Variants in RGS6 observed in about 807,000 individuals in gnomAD.
The protein encoded by RGS6 is regulator of G protein signaling 6.
A neutral mutation model predicts 78.5 loss-of-function variants in RGS6; 30 were observed. The ratio of observed to expected loss-of-function variants is 0.38; its 90% CI spans 0.29 to 0.52. RGS6 has a LOEUF of 0.52. RGS6 is among the 20% of genes least tolerant of loss of function. The probability of loss-of-function intolerance (pLI) is 0.85; values close to 1 mark genes in which losing one functional copy is unlikely to be tolerated. For missense variants in RGS6, 495 were observed against 609.7 expected (o/e 0.81, Z 1.98); for synonymous variants, 206 against 206.0 (o/e 1.00, Z 0.00).
chr14:71,909,586 G>T, the RGS6 span, among the ~76,000 whole-genome samples: 1 of 139,070 alleles, frequency 7.2e-6, no homozygotes, highest in African/African-American at 2.7e-5. Flanking sequence ...TAGAGAGAGG[G>T]AAAGAGAGAG....
intron 2 of RGS6, among the ~76,000 whole-genome samples, chr14:72,285,092 C>A (rs1310302415): frequency 6.6e-6 from 1 of 152,174 alleles, no homozygotes; most frequent in Non-Finnish European, 1.5e-5. Flanking sequence ...GGCTCATAGG[C>A]AGAAGGGACT....
intron 2 of RGS6, among the ~76,000 whole-genome samples, chr14:72,099,449 G>A (rs1278144651): frequency 6.6e-6 from 1 of 152,128 alleles, no homozygotes; most frequent in Non-Finnish European, 1.5e-5. Flanking sequence ...ATGAGCCACC[G>A]CACCCTGCCT....
Position 72,507,949 on chromosome 14 carries a change from G to A in RGS6, c.966-2205G>A, listed in dbSNP as rs530771619. On this transcript the variant is annotated intron_variant, in intron 13 of 17. Coordinates refer to ENST00000553525, the MANE Select transcript of RGS6 (RefSeq NM_001204424.2). ...TTTACTGCCAGCCTCAACCCCAGGG[G>A]AATTCTTCCACAAACAGTATTTTTG... is the stretch of plus-strand genomic sequence containing the variant. Among the ~76,000 whole-genome samples, 6 of 152,292 alleles carry A rather than the reference G, an allele frequency of 3.9e-5. No individual in the cohort carries two copies. In the South Asian group the frequency reaches 1.2e-3, roughly 32 times the overall value.
At chr14:72,084,047 T>C (rs2094928662) in intron 2 of RGS6, among the ~76,000 whole-genome samples, 1 of 152,250 alleles carries the variant, frequency 6.6e-6, no homozygotes. Flanking sequence ...CACAGTGGTT[T>C]TGGAAATAAT....
intron 2 of RGS6, among the ~76,000 whole-genome samples, chr14:72,102,415 A>G (rs1327895995): frequency 6.6e-6 from 1 of 152,272 alleles, no homozygotes; most frequent in Non-Finnish European, 1.5e-5. Context: ...ATTGGAAAAG[A>G]ATTCTAAAAT....
At chr14:72,432,847 G>A (rs1212785166) in intron 3 of RGS6, among the ~76,000 whole-genome samples, 1 of 152,160 alleles carries the variant, frequency 6.6e-6, no homozygotes, top group Non-Finnish European at 1.5e-5. Flanking sequence ...TGAAGCAGAA[G>A]GAAATATTTA....
intron 15 of RGS6, among the ~76,000 whole-genome samples, chr14:72,528,000 C>T (rs148471332): frequency 5.3e-5 from 8 of 152,288 alleles, no homozygotes; most frequent in Admixed American, 1.3e-4. Flanking sequence ...TCCAGGAGGA[C>T]GTTCTGAAGC....
At chr14:72,073,851 T>C (rs1489510497) in intron 2 of RGS6, among the ~76,000 whole-genome samples, 1 of 152,216 alleles carries the variant, frequency 6.6e-6, no homozygotes. Context: ...TGAGCTATTT[T>C]AAGTAGACTA....
At chr14:72,004,904 G>A (rs1016674728) in intron 2 of RGS6, among the ~76,000 whole-genome samples, 3 of 152,196 alleles carry the variant, frequency 2.0e-5, no homozygotes, top group Admixed American at 6.5e-5. Flanking sequence ...GGTGTAACAC[G>A]AATGGTGGAC....
chr14:72,473,260 G>A (rs546599528), intron 9 of RGS6, among the ~76,000 whole-genome samples: 2 of 152,270 alleles, frequency 1.3e-5, no homozygotes, highest in South Asian at 2.1e-4. Context: ...TGGCTAACAC[G>A]GTGAAACCCC....
At chr14:72,258,199 G>A (rs1205786041) in intron 2 of RGS6, among the ~76,000 whole-genome samples, 1 of 152,202 alleles carries the variant, frequency 6.6e-6, no homozygotes, top group Non-Finnish European at 1.5e-5. Context: ...ACATTACAGT[G>A]AGGTCTCCTC....
At chr14:72,629,814 T>C in the RGS6 span, 15 of 1,180,332 alleles carry the variant, frequency 1.3e-5, no homozygotes, top group African/African-American at 4.6e-5. Context: ...TGGAAACACA[T>C]TGATGCCCAG....
intron 7 of RGS6, among the ~76,000 whole-genome samples, chr14:72,466,876 A>AT (rs1193705649): frequency 6.6e-6 from 1 of 152,226 alleles, no homozygotes; most frequent in African/African-American, 2.4e-5. Context: ...AAAATTTTAA[A>AT]TTGCACCTTT....
At chr14:72,173,969 G>A (rs1342337200) in intron 2 of RGS6, among the ~76,000 whole-genome samples, 1 of 152,042 alleles carries the variant, frequency 6.6e-6, no homozygotes, top group Non-Finnish European at 1.5e-5. Context: ...CTTATGCTGT[G>A]CCTGGAACAC....
At chr14:72,529,395 C>A (rs1297850579) in intron 15 of RGS6, among the ~76,000 whole-genome samples, 4 of 152,154 alleles carry the variant, frequency 2.6e-5, no homozygotes, top group Non-Finnish European at 4.4e-5. Flanking sequence ...TGTGGTGAGA[C>A]CACCTCATGG....
chr14:72,097,521 A>T (rs544801956), intron 2 of RGS6, among the ~76,000 whole-genome samples: 1 of 152,184 alleles, frequency 6.6e-6, no homozygotes, highest in South Asian at 2.1e-4. Context: ...ATCTCCAGAG[A>T]TTCCTGTCTT....
At chr14:72,300,118 T>C (rs2065741478) in intron 2 of RGS6, among the ~76,000 whole-genome samples, 1 of 152,200 alleles carries the variant, frequency 6.6e-6, no homozygotes, top group Admixed American at 6.5e-5. Flanking sequence ...TGATCTATCC[T>C]AGTCAACATA....
chr14:72,558,106 G>C (rs915211335), intron 17 of RGS6, among the ~76,000 whole-genome samples: 1 of 152,074 alleles, frequency 6.6e-6, no homozygotes, highest in Admixed American at 6.5e-5. Context: ...CATCACCCTA[G>C]AAGGCTCCTT....
chr14:72,585,179 ACT>A, the RGS6 span, among the ~76,000 whole-genome samples: 18,447 of 152,026 alleles, frequency 0.12, 3,302 homozygotes, highest in African/African-American at 0.39. Context: ...TTTAGTCTCA[ACT>A]CTCTGAAAGT....
Sources: gnomAD v4.1 joint callset for allele counts (sites outside exome capture counted in the v4.1 genomes callset) on GRCh38, gnomAD v4.1.1 for gene constraint, MANE v1.5 for transcripts, NCBI Gene and HGNC (gene_info 2026-07-23, HGNC 2026-07-21) for gene names.